Variants in FADS2 observed in about 807,000 individuals in gnomAD.
FADS2 encodes fatty acid desaturase 2.
FADS2 carries 18 observed loss-of-function variants against 61.2 expected under a neutral mutation model. The ratio of observed to expected loss-of-function variants is 0.29; its 90% CI spans 0.20 to 0.44. FADS2 has a LOEUF of 0.44. Among genes scored for constraint, FADS2 ranks in the 20% least tolerant of loss-of-function variants. FADS2 has a pLI of 1.00. For missense variants in FADS2, 322 were observed against 572.7 expected (o/e 0.56, Z 4.47); for synonymous variants, 203 against 223.9 (o/e 0.91, Z 0.83).
At chr11:61,841,132 AACCTCC>A (rs1459361370) in intron 4 of FADS2, among the ~76,000 whole-genome samples, 1 of 150,894 alleles carries the variant, frequency 6.6e-6, no homozygotes, top group Admixed American at 6.6e-5. Flanking sequence ...GGGTCACTGC[AACCTCC>A]ACCTCCGGGT....
At chr11:61,838,048 C>G (rs752276658) in intron 2 of FADS2, among the ~76,000 whole-genome samples, 160 bp downstream of exon 2, 29 of 152,084 alleles carry the variant, frequency 1.9e-4, no homozygotes, top group Non-Finnish European at 3.8e-4. Context: ...TCAGGGAGGG[C>G]CTCAGAGCCT....
chr11:61,821,689 G>T (rs1288459550), intron 1 of FADS2, among the ~76,000 whole-genome samples: 3 of 152,218 alleles, frequency 2.0e-5, no homozygotes, highest in Admixed American at 6.5e-5. Flanking sequence ...TTATGGGGGT[G>T]CAGTGACTAC....
At chr11:61,828,282 A>G, upstream of FADS2, 2 of 1,462,682 alleles carry the variant, frequency 1.4e-6, no homozygotes, top group Non-Finnish European at 1.8e-6. The surrounding 1 kb of genome is among the most constrained non-coding windows in gnomAD (Gnocchi z 6.4). Context: ...AAAAGCCGAA[A>G]GCGAAGAGGG....
intron 7 of FADS2, among the ~76,000 whole-genome samples, chr11:61,859,750 G>T (rs2067397052): frequency 7.5e-6 from 1 of 133,614 alleles, no homozygotes; most frequent in Non-Finnish European, 1.6e-5. Flanking sequence ...ACTTTGAGAG[G>T]CCGAGGCGGG....
At chr11:61,852,895 C>T (rs1465030024) in intron 5 of FADS2, among the ~76,000 whole-genome samples, 1 of 152,170 alleles carries the variant, frequency 6.6e-6, no homozygotes, top group Non-Finnish European at 1.5e-5. Context: ...TGGCTCACAT[C>T]TGTAATCCCA....
chr11:61,835,159 C>T (rs1031206304), intron 1 of FADS2, among the ~76,000 whole-genome samples: 16 of 152,140 alleles, frequency 1.1e-4, no homozygotes, highest in Admixed American at 2.6e-4. Context: ...CTTTTCGGCT[C>T]GGCTAGTGGG....
chr11:61,837,262 C>T (rs906489624), intron 1 of FADS2, among the ~76,000 whole-genome samples: 1 of 152,108 alleles, frequency 6.6e-6, no homozygotes, highest in Admixed American at 6.5e-5. Flanking sequence ...TTACATAATT[C>T]TGTGTTTATT....
chr11:61,835,820 A>G (rs2067169579), intron 1 of FADS2, among the ~76,000 whole-genome samples: 1 of 152,096 alleles, frequency 6.6e-6, no homozygotes, highest in African/African-American at 2.4e-5. Flanking sequence ...TTTCCTCTTT[A>G]TATGTGTGCA....
chr11:61,865,208 C>A lies in FADS2; in HGVS notation c.1214C>A (p.Ser405Tyr). ...CACAAGATCGCCCCGCTGGTGAAGT[C>A]TCTATGTGCCAAGCATGGCATTGAA... ...NLHKIAPLVK[S>Y]LCAKHGIEYQ... Residue 405 changes from serine to tyrosine, a missense_variant, in exon 11 of 12, where the codon TCT becomes TAT. By Grantham distance (144) the Ser-to-Tyr change is moderately radical. This residue lies in a region of FADS2 where 221 missense variants were observed against 427.9 expected (regional missense o/e 0.52). Transcript: ENST00000278840. The surrounding 1 kb of genome is among the most constrained non-coding windows in gnomAD (Gnocchi z 4.1). The A allele has an allele frequency of 6.2e-7, 1 of 1,613,958 alleles. No individual in the cohort carries two copies. Among genetic ancestry groups the A allele is most frequent in the South Asian group, 1.1e-5 (1 of 91,078 alleles).
chr11:61,816,958 G>A lies in FADS2; in HGVS notation c.141+532G>A, dbSNP rs1467612780. 7.3e-7 allele frequency: 1 copy of A among 1,373,160 alleles called. No homozygotes were observed. The highest frequency in any genetic ancestry group is 3.1e-5 in the East Asian group (1 of 32,776). The allele number at this position is 1,373,160 out of a possible 1,614,324, so 85.1% of individuals were successfully genotyped here. On this transcript the variant is annotated intron_variant, in intron 1 of 11. Transcript: ENST00000257261. This position sits in a 1 kb window ranked among gnomAD's most constrained non-coding sequence, Gnocchi z 7.0. ...CCGAGCCTCGTGGCGCGGGGAGCGAGATCCCGTCCCCCGGTGGGTCTTGGG... is the reference window on the plus strand; with the variant it reads ...CCGAGCCTCGTGGCGCGGGGAGCGAAATCCCGTCCCCCGGTGGGTCTTGGG...
chr11:61,851,561 G>A (rs1267395954), intron 5 of FADS2, among the ~76,000 whole-genome samples: 1 of 152,338 alleles, frequency 6.6e-6, no homozygotes, highest in Non-Finnish European at 1.5e-5. Flanking sequence ...GGACCCGGCC[G>A]CCCTGGAAGG....
At chr11:61,845,784 C>CA (rs548433908) in intron 4 of FADS2, among the ~76,000 whole-genome samples, 1,034 of 83,812 alleles carry the variant, frequency 0.012, 8 homozygotes, top group African/African-American at 0.023. Flanking sequence ...AACTCTGTCT[C>CA]AAAAAAAAAA....
chr11:61,864,949 C>T (rs1401201297), intron 10 of FADS2, among the ~76,000 whole-genome samples: 3 of 152,198 alleles, frequency 2.0e-5, no homozygotes, highest in Non-Finnish European at 2.9e-5. Flanking sequence ...CAAACGCCCT[C>T]CTGCTCACGG....
chr11:61,838,459 G>A (rs974897674), intron 2 of FADS2, among the ~76,000 whole-genome samples: 6 of 152,150 alleles, frequency 3.9e-5, no homozygotes, highest in South Asian at 4.2e-4. Context: ...AGGGCAGGAC[G>A]GGGAGGAGAG....
At chr11:61,853,170 ACAAC>A in intron 5 of FADS2, among the ~76,000 whole-genome samples, 1 of 151,262 alleles carries the variant, frequency 6.6e-6, no homozygotes, top group East Asian at 1.9e-4. Flanking sequence ...AACAACAACA[ACAAC>A]AACAACAAAA....
chr11:61,857,181 C>T (rs990051571), intron 6 of FADS2, 110 bp downstream of exon 6: 2 of 1,014,296 alleles, frequency 2.0e-6, no homozygotes, highest in African/African-American at 1.6e-5. Flanking sequence ...TGACACTAAA[C>T]TTGTTAGAAG....
rs529744700 is a variant in FADS2 at position 61,835,397 on chromosome 11, CT to C, written c.208-2366del. Among the ~76,000 whole-genome samples the C allele has an allele frequency of 4.8e-3, 665 of 139,324 alleles. 4 individuals are homozygous for C. The highest frequency in any genetic ancestry group is 0.013 in the African/African-American group (490 of 38,352). The allele number at this position is 139,324 out of a possible 152,430, so 91.4% of individuals were successfully genotyped here. A position where few individuals can be genotyped will look rare whatever the true frequency, so the allele number is the denominator to read the frequency against. Reference sequence around the variant, plus strand: ...GCACTTTCTCCACCTTCCCCCGACCCTTTTTTTTTTTTTTTGAGATGGAGTC... The same window carrying C: ...GCACTTTCTCCACCTTCCCCCGACCCTTTTTTTTTTTTTTGAGATGGAGTC... On this transcript the variant is annotated intron_variant, in intron 1 of 11. Transcript: ENST00000278840.
At chr11:61,859,088 G>A (rs905933559) in intron 7 of FADS2, among the ~76,000 whole-genome samples, 4 of 151,800 alleles carry the variant, frequency 2.6e-5, no homozygotes, top group Admixed American at 1.3e-4. Context: ...GTGGAGTTTC[G>A]CTCTTGTTGC....
intron 2 of FADS2, among the ~76,000 whole-genome samples, chr11:61,838,647 A>G (rs1163981507): frequency 6.6e-6 from 1 of 150,740 alleles, no homozygotes; most frequent in Non-Finnish European, 1.5e-5. Flanking sequence ...CCAGTCCCCC[A>G]CCACCCCCAT....
Sources: gnomAD v4.1 joint callset for allele counts (sites outside exome capture counted in the v4.1 genomes callset) on GRCh38, gnomAD v4.1.1 for gene constraint, gnomAD v4.1.1 regional missense constraint, Gnocchi (gnomAD v3.1) non-coding constraint, MANE v1.5 for transcripts, NCBI Gene and HGNC (gene_info 2026-07-23, HGNC 2026-07-21) for gene names.